LDLRAD4: variants seen among roughly 807,000 people sequenced by gnomAD.
The protein encoded by LDLRAD4 is low-density lipoprotein receptor class A domain-containing protein 4.
LDLRAD4 carries 5 observed loss-of-function variants against 17.0 expected under a neutral mutation model. The observed-to-expected ratio is 0.29, with a 90% CI of 0.15 to 0.62. The LOEUF is 0.62. LDLRAD4 is among the 20% of genes least tolerant of loss of function. The pLI is 0.84. For synonymous variants in LDLRAD4, 168 were observed against 171.8 expected (o/e 0.98, Z 0.17); for missense variants, 340 against 424.7 (o/e 0.80, Z 1.75).
intron 1 of LDLRAD4, among the ~76,000 whole-genome samples, chr18:13,301,474 C>T (rs2046598761): frequency 6.6e-6 from 1 of 152,202 alleles, no homozygotes; most frequent in Admixed American, 6.5e-5. Context: ...AGCTCTGGCT[C>T]TGCATTCTAA....
At chr18:13,293,711 C>T (rs1326753668) in intron 1 of LDLRAD4, among the ~76,000 whole-genome samples, 1 of 152,148 alleles carries the variant, frequency 6.6e-6, no homozygotes, top group East Asian at 1.9e-4. Context: ...GATAAATGTC[C>T]CTTTCCCTCT....
intron 1 of LDLRAD4, among the ~76,000 whole-genome samples, chr18:13,286,604 G>A (rs1219157342): frequency 5.3e-5 from 8 of 152,204 alleles, no homozygotes; most frequent in Admixed American, 1.3e-4. Context: ...ACCTCCTGGC[G>A]CCATGAGGTT....
chr18:13,380,006 G>GCCAGCCCCC (rs2085228702), intron 1 of LDLRAD4, among the ~76,000 whole-genome samples: 1 of 144,680 alleles, frequency 6.9e-6, no homozygotes, highest in African/African-American at 2.5e-5. Context: ...CCCCCTGCCC[G>GCCAGCCCCC]TCAGCCCGAG....
chr18:13,300,058 T>A lies in LDLRAD4; in HGVS notation c.-383+21870T>A, dbSNP rs2046500133. On this transcript the variant is annotated intron_variant, in intron 1 of 5. Transcript: ENST00000359446. This position sits in a 1 kb window ranked among gnomAD's most constrained non-coding sequence, Gnocchi z 4.2. ...TGGCTTTGTGTGAACACAGAGACAATGTGTTTGATTTGGGAACAGCTGGTC... is the reference window on the plus strand; with the variant it reads ...TGGCTTTGTGTGAACACAGAGACAAAGTGTTTGATTTGGGAACAGCTGGTC... 6.6e-6 allele frequency among the ~76,000 whole-genome samples: 1 copy of A among 152,104 alleles called. No individual in the cohort carries two copies. The highest frequency in any genetic ancestry group is 6.5e-5 in the Admixed American group (1 of 15,286).
intron 3 of LDLRAD4, among the ~76,000 whole-genome samples, chr18:13,592,190 T>C (rs1266684424): frequency 1.3e-5 from 2 of 152,246 alleles, no homozygotes; most frequent in African/African-American, 4.8e-5. Context: ...TTTGAATAGC[T>C]GGTTACTTTT....
intron 1 of LDLRAD4, among the ~76,000 whole-genome samples, chr18:13,325,554 C>G (rs2081477097): frequency 6.6e-6 from 1 of 152,184 alleles, no homozygotes. Context: ...GCCACTCCCT[C>G]TCCTTGCTTC....
rs2094164228 is a variant in LDLRAD4, at chr18:13,533,833, G to A, written c.182-87284G>A. 2.0e-5 allele frequency among the ~76,000 whole-genome samples: 3 copies of A among 152,164 alleles called. No individual in the cohort carries two copies. In the South Asian group the frequency reaches 6.2e-4, roughly 32 times the overall value. On this transcript the variant is annotated intron_variant, in intron 3 of 5. Transcript: ENST00000359446. ...TAAGTTTCTCTCTTGACTCTGATGT[G>A]CCTTTCACTGAACAGTAAAGGACCG...
At chr18:13,306,925 C>T (rs905970807) in intron 1 of LDLRAD4, among the ~76,000 whole-genome samples, 3 of 152,062 alleles carry the variant, frequency 2.0e-5, no homozygotes, top group Non-Finnish European at 2.9e-5. Flanking sequence ...TAACACAGGA[C>T]GACTTAATGG....
chr18:13,313,219 A>G (rs1273313981), intron 1 of LDLRAD4, among the ~76,000 whole-genome samples: 1 of 152,174 alleles, frequency 6.6e-6, no homozygotes, highest in Non-Finnish European at 1.5e-5. Flanking sequence ...TTGTGTCCTT[A>G]TTTGCAGAGT....
chr18:13,417,991 G>A (rs2089081635), intron 2 of LDLRAD4, among the ~76,000 whole-genome samples: 1 of 152,204 alleles, frequency 6.6e-6, no homozygotes. Flanking sequence ...GGACCCGGAG[G>A]TGGGAGGCTT....
chr18:13,578,827 CTTTTTTTTTTTT>C lies in LDLRAD4; in HGVS notation c.182-42273_182-42262del, dbSNP rs1003295658. Reference sequence around the variant, plus strand: ...TGACCCATTTAAAAGTTGTCCGGGTCTTTTTTTTTTTTTTTTTTTTTTTTTTTTGTCAGAGAT... The same window carrying C: ...TGACCCATTTAAAAGTTGTCCGGGTCTTTTTTTTTTTTTTTTGTCAGAGAT... On this transcript the variant is annotated intron_variant, in intron 3 of 5. Coordinates refer to ENST00000359446, the Ensembl canonical transcript of LDLRAD4. Among the ~76,000 whole-genome samples the C allele has an allele frequency of 1.2e-3, 78 of 65,706 alleles. 3 individuals are homozygous for C. Among genetic ancestry groups the C allele is most frequent in the Middle Eastern group, 9.4e-3 (1 of 106 alleles). The allele number at this position is 65,706 out of a possible 152,430, so 43.1% of individuals were successfully genotyped here.
At chr18:13,592,120 C>T (rs1298018993) in intron 3 of LDLRAD4, among the ~76,000 whole-genome samples, 6 of 152,168 alleles carry the variant, frequency 3.9e-5, no homozygotes, top group Admixed American at 3.9e-4. Context: ...GTTCCCAATA[C>T]AGAATTGAGT....
intron 2 of LDLRAD4, among the ~76,000 whole-genome samples, chr18:13,403,810 C>T (rs1203521972): frequency 2.6e-5 from 4 of 152,210 alleles, no homozygotes; most frequent in Non-Finnish European, 4.4e-5. Context: ...AAAGAAAGGG[C>T]ATGGGGAGGC....
At chr18:13,290,352 G>A (rs988566317) in intron 1 of LDLRAD4, among the ~76,000 whole-genome samples, 3 of 152,152 alleles carry the variant, frequency 2.0e-5, no homozygotes, top group East Asian at 1.9e-4. Context: ...GCAGCCTCCT[G>A]TCCATTAATC....
At chr18:13,446,288 T>C (rs1212483629) in intron 3 of LDLRAD4, among the ~76,000 whole-genome samples, 1 of 152,098 alleles carries the variant, frequency 6.6e-6, no homozygotes, top group Non-Finnish European at 1.5e-5. Flanking sequence ...ATGGTTTTGT[T>C]TGTCTTTGGA....
chr18:13,579,808 T>A (rs2094830896), intron 3 of LDLRAD4, among the ~76,000 whole-genome samples: 1 of 152,226 alleles, frequency 6.6e-6, no homozygotes, highest in South Asian at 2.1e-4. Flanking sequence ...GTGGAAAAAC[T>A]AGTGCCCAGT....
intron 1 of LDLRAD4, among the ~76,000 whole-genome samples, chr18:13,329,072 AC>A (rs2081698165): frequency 6.6e-6 from 1 of 152,100 alleles, no homozygotes; most frequent in African/African-American, 2.4e-5. Context: ...AGATTTTTTA[AC>A]CCTGTGTTGT....
chr18:13,537,605 CA>C (rs1244558061), intron 3 of LDLRAD4, among the ~76,000 whole-genome samples: 1 of 152,210 alleles, frequency 6.6e-6, no homozygotes, highest in Non-Finnish European at 1.5e-5. Context: ...CAGTTCCTAA[CA>C]GTCCATGAAC....
intron 3 of LDLRAD4, among the ~76,000 whole-genome samples, chr18:13,605,971 G>A (rs1470453374): frequency 6.6e-6 from 1 of 152,136 alleles, no homozygotes; most frequent in Admixed American, 6.5e-5. Context: ...GCTCAAGATC[G>A]CATTTCTCAT....
Sources: allele counts gnomAD v4.1 joint callset (sites outside exome capture counted in the v4.1 genomes callset), GRCh38; gene constraint gnomAD v4.1.1; non-coding constraint Gnocchi (gnomAD v3.1); transcripts MANE v1.5; gene names NCBI Gene and HGNC (gene_info 2026-07-23, HGNC 2026-07-21).